Variants in NEBL observed in about 807,000 individuals in gnomAD.
NEBL encodes LIM and SH3 protein 2.
In NEBL, 122 loss-of-function variants were observed where a neutral mutation model predicts 140.2. The observed-to-expected ratio is 0.87, with a 90% confidence interval of 0.75 to 1.01. NEBL has a LOEUF of 1.01. Ranked by LOEUF, NEBL falls within the 50% of genes least tolerant of loss-of-function variation. The pLI is 0.00. For missense variants in NEBL, 1,365 were observed against 1,231.3 expected, an observed-to-expected ratio of 1.11 and a Z score of -1.62; for synonymous variants, 436 against 398.9, an observed-to-expected ratio of 1.09 and a Z score of -1.11.
upstream of NEBL, among the ~76,000 whole-genome samples, chr10:21,176,154 C>T (rs1451093972): frequency 6.6e-6 from 1 of 152,070 alleles, no homozygotes; most frequent in Non-Finnish European, 1.5e-5. Flanking sequence ...AGGCATATGC[C>T]ACTATGCCCT....
At chr10:20,987,516 T>C (rs74120588) in intron 3 of NEBL, among the ~76,000 whole-genome samples, 192 of 152,212 alleles carry the variant, frequency 1.3e-3, no homozygotes, top group African/African-American at 4.5e-3. Flanking sequence ...TCCTCAATCC[T>C]TAACCCCCTC....
chr10:21,020,924 G>A (rs1165223290), intron 2 of NEBL, among the ~76,000 whole-genome samples: 2 of 152,090 alleles, frequency 1.3e-5, no homozygotes, highest in African/African-American at 4.8e-5. Context: ...TCTGTGAGCT[G>A]ACTACTCCGA....
At chr10:21,027,084 C>A (rs1327019618) in intron 2 of NEBL, among the ~76,000 whole-genome samples, 1 of 152,116 alleles carries the variant, frequency 6.6e-6, no homozygotes, top group Admixed American at 6.5e-5. Flanking sequence ...GACATGTCCC[C>A]ATGCATTTTA....
chr10:21,291,429 C>G (rs986125990), intron 1 of NEBL, among the ~76,000 whole-genome samples: 4 of 151,076 alleles, frequency 2.6e-5, no homozygotes, highest in Non-Finnish European at 5.9e-5. Flanking sequence ...TTGCTTGAAC[C>G]CAGGAGGCAG....
At chr10:20,884,484 G>T (rs1846293949) in intron 4 of NEBL, among the ~76,000 whole-genome samples, 1 of 152,180 alleles carries the variant, frequency 6.6e-6, no homozygotes, top group African/African-American at 2.4e-5. Flanking sequence ...GGCCAAGGAG[G>T]TCAAGTATGC....
chr10:21,138,752 T>G (rs1395189442), intron 2 of NEBL, among the ~76,000 whole-genome samples: 1 of 149,800 alleles, frequency 6.7e-6, no homozygotes, highest in Non-Finnish European at 1.5e-5. Flanking sequence ...ACTGCAAAAC[T>G]CCATTTTGAA....
intron 2 of NEBL, among the ~76,000 whole-genome samples, chr10:21,052,890 A>T (rs1419427666): frequency 6.6e-6 from 1 of 152,216 alleles, no homozygotes; most frequent in Non-Finnish European, 1.5e-5. Flanking sequence ...TGGGGTCCAC[A>T]TAAATAATTC....
intron 4 of NEBL, among the ~76,000 whole-genome samples, chr10:20,907,457 A>C (rs1418418094): frequency 1.3e-5 from 2 of 152,188 alleles, no homozygotes; most frequent in Non-Finnish European, 1.5e-5. Flanking sequence ...TATATGACTG[A>C]ATAATAAACA....
intron 4 of NEBL, among the ~76,000 whole-genome samples, chr10:20,925,181 C>T (rs1452561338): frequency 1.3e-5 from 2 of 152,184 alleles, no homozygotes; most frequent in Non-Finnish European, 2.9e-5. Context: ...TGCACATACT[C>T]AAACATATAC....
intron 24 of NEBL, among the ~76,000 whole-genome samples, chr10:20,810,775 A>C (rs1258904800): frequency 6.6e-6 from 1 of 152,250 alleles, no homozygotes; most frequent in Non-Finnish European, 1.5e-5. Context: ...GGGCTACAGC[A>C]AAAACAATTA....
intron 9 of NEBL, among the ~76,000 whole-genome samples, chr10:20,857,674 G>T (rs149803458): frequency 6.6e-6 from 1 of 152,116 alleles, no homozygotes; most frequent in Non-Finnish European, 1.5e-5. Flanking sequence ...GACTGACCAC[G>T]TGGGCAGTGC....
At chr10:21,029,602 C>G in intron 2 of NEBL, 3 of 1,562,050 alleles carry the variant, frequency 1.9e-6, no homozygotes, top group Non-Finnish European at 2.6e-6. Context: ...CTGGAGGGCT[C>G]GTTCTGCCAC....
intron 2 of NEBL, among the ~76,000 whole-genome samples, chr10:21,062,490 G>A (rs1181686857): frequency 6.6e-6 from 1 of 151,272 alleles, no homozygotes; most frequent in Admixed American, 6.6e-5. Context: ...GAGAAACCCT[G>A]TCTCTACAAA....
intron 3 of NEBL, among the ~76,000 whole-genome samples, chr10:21,227,723 CT>C (rs1162472454): frequency 1.0e-5 from 1 of 98,022 alleles, no homozygotes; most frequent in South Asian, 3.4e-4. Context: ...TCTTCTTCTT[CT>C]TCTTCTTCTT....
intron 2 of NEBL, among the ~76,000 whole-genome samples, chr10:21,067,194 A>G (rs955260374): frequency 1.3e-5 from 2 of 151,970 alleles, no homozygotes; most frequent in Non-Finnish European, 2.9e-5. Flanking sequence ...GATGGTCTCG[A>G]TCTCCTGACC....
intron 4 of NEBL, among the ~76,000 whole-genome samples, chr10:20,887,152 T>C (rs921510790): frequency 6.6e-6 from 1 of 152,176 alleles, no homozygotes; most frequent in Non-Finnish European, 1.5e-5. Flanking sequence ...GGAAATGCAA[T>C]AGATTAAGAA....
rs1838857855 is a variant in NEBL at position 20,817,627 on chromosome 10, T to TG, written c.2120dup (p.Glu709ArgfsTer26). ...TGCTGATGTTTTTCTGGTTTTCTTTTGCCCTCTTCAGCTCTGGTGGATCAG... is the reference window on the plus strand; with the variant it reads ...TGCTGATGTTTTTCTGGTTTTCTTTTGGCCCTCTTCAGCTCTGGTGGATCAG... On this transcript the variant is annotated frameshift_variant, in exon 21 of 28. Coordinates refer to ENST00000377122, the MANE Select transcript of NEBL (RefSeq NM_006393.3). LOFTEE classifies it high-confidence loss of function. The TG allele has an allele frequency of 5.0e-6, 8 of 1,613,908 alleles. No homozygotes were observed. In the East Asian group the frequency reaches 1.8e-4, roughly 36 times the overall value.
chr10:20,813,886 C>G (rs1274705798), intron 23 of NEBL, 53 bp downstream of exon 23: 2 of 1,156,524 alleles, frequency 1.7e-6, no homozygotes, highest in Non-Finnish European at 2.6e-6. Context: ...CATCCGTGCA[C>G]TGGATCCGCC....
intron 3 of NEBL, among the ~76,000 whole-genome samples, chr10:21,001,202 G>A (rs184285652): frequency 1.4e-4 from 21 of 152,204 alleles, no homozygotes; most frequent in Middle Eastern, 3.4e-3. Context: ...CCGACAGACC[G>A]CCAGAGACAA....
Sources: allele counts gnomAD v4.1 joint callset (sites outside exome capture counted in the v4.1 genomes callset), GRCh38; gene constraint gnomAD v4.1.1; transcripts MANE v1.5; gene names NCBI Gene and HGNC (gene_info 2026-07-23, HGNC 2026-07-21).